The following PLCB4 variants were observed in gnomAD, a reference collection of about 807,000 sequenced individuals.
The protein encoded by PLCB4 is 1-phosphatidylinositol 4,5-bisphosphate phosphodiesterase beta-4.
A neutral mutation model predicts 178.8 loss-of-function variants in PLCB4; 77 were observed. That is an observed-to-expected ratio of 0.43 (90% CI 0.36 to 0.52). The LOEUF (loss-of-function observed/expected upper bound fraction) is 0.52, where lower values mean the gene tolerates loss of function less well. Ranked by LOEUF, PLCB4 falls within the 20% of genes least tolerant of loss-of-function variation. PLCB4 has a pLI of 0.00. For synonymous variants in PLCB4, 496 were observed against 490.8 expected (o/e 1.01, Z -0.14); for missense variants, 1,024 against 1,453.4 (o/e 0.70, Z 4.80).
At chr20:9,301,449 A>AC (rs552590912) in intron 3 of PLCB4, among the ~76,000 whole-genome samples, 81 of 152,112 alleles carry the variant, frequency 5.3e-4, no homozygotes, top group Admixed American at 9.8e-4. Context: ...GGTGAGCAGC[A>AC]CTGACTCTAA....
intron 34 of PLCB4, among the ~76,000 whole-genome samples, chr20:9,458,810 C>G (rs1322546581): frequency 1.3e-5 from 2 of 152,122 alleles, no homozygotes; most frequent in African/African-American, 4.8e-5. Context: ...GCTGGAGAAA[C>G]AGACTCCAGC....
At chr20:9,295,956 T>G (rs896353994) in intron 3 of PLCB4, among the ~76,000 whole-genome samples, 1 of 152,174 alleles carries the variant, frequency 6.6e-6, no homozygotes, top group Non-Finnish European at 1.5e-5. Context: ...GGCAAGGACT[T>G]CATGTCTAAA....
chr20:9,385,723 C>T (rs1004483915), intron 14 of PLCB4, among the ~76,000 whole-genome samples: 13 of 151,544 alleles, frequency 8.6e-5, no homozygotes, highest in Admixed American at 2.0e-4. Context: ...AGGCGCTCCT[C>T]GCTTCCCAGA....
chr20:9,428,453 G>A (rs1425121729), intron 28 of PLCB4, among the ~76,000 whole-genome samples: 3 of 152,204 alleles, frequency 2.0e-5, no homozygotes, highest in Non-Finnish European at 4.4e-5. Flanking sequence ...CTCCTGGGAT[G>A]TATGGTGAAT....
At chr20:9,264,811 C>G (rs551614002) in intron 3 of PLCB4, among the ~76,000 whole-genome samples, 1 of 152,250 alleles carries the variant, frequency 6.6e-6, no homozygotes, top group African/African-American at 2.4e-5. Context: ...AGTAATTGCT[C>G]TGGGTGCAGC....
intron 3 of PLCB4, among the ~76,000 whole-genome samples, chr20:9,287,615 T>G (rs1465639570): frequency 2.0e-5 from 3 of 152,082 alleles, no homozygotes; most frequent in Admixed American, 2.0e-4. Context: ...AAAGTTAATA[T>G]CGAGTCATGC....
chr20:9,403,978 A>G (rs1476795988), intron 20 of PLCB4, among the ~76,000 whole-genome samples: 1 of 152,204 alleles, frequency 6.6e-6, no homozygotes, highest in African/African-American at 2.4e-5. Flanking sequence ...GATCACACAG[A>G]TATGAATGAC....
chr20:9,355,043 G>A (rs1377332150), intron 7 of PLCB4, among the ~76,000 whole-genome samples: 3 of 152,124 alleles, frequency 2.0e-5, no homozygotes, highest in African/African-American at 7.2e-5. Context: ...GTGAGACCCA[G>A]GCTTCTGAAA....
At chr20:9,211,549 T>G (rs1362355913) in intron 2 of PLCB4, among the ~76,000 whole-genome samples, 3 of 152,222 alleles carry the variant, frequency 2.0e-5, no homozygotes, top group Non-Finnish European at 4.4e-5. Context: ...GGTTCTAAAC[T>G]TGGGTTATTC....
Position 9,395,599 on chromosome 20 carries a change from TGAA to T in PLCB4, c.1494_1496del (p.Glu500del). 1.9e-6 allele frequency: 3 copies of T among 1,610,810 alleles called. No homozygotes were observed. Among genetic ancestry groups the T allele is most frequent in the Non-Finnish European group, 2.5e-6 (3 of 1,177,198 alleles). Reference sequence around the variant, plus strand: ...CAGCAAACATCTTAGAGGACGATAATGAAGAGGAGATCGAAAGTGGTGAGCTGT... The same window carrying T: ...CAGCAAACATCTTAGAGGACGATAATGAGGAGATCGAAAGTGGTGAGCTGT... On this transcript the variant is annotated inframe_deletion, in exon 19 of 40. Transcript: ENST00000378473.
At chr20:9,091,593 G>T (rs1156604612) in intron 1 of PLCB4, among the ~76,000 whole-genome samples, 2 of 151,312 alleles carry the variant, frequency 1.3e-5, no homozygotes, top group Non-Finnish European at 2.9e-5. Flanking sequence ...GAGCTCCAAA[G>T]CTCCCTCTGA....
In PLCB4 at chr20:9,243,169, A is replaced by C. The variant is rs145377453; in HGVS notation, c.-16+25717A>C. 2.6e-5 allele frequency among the ~76,000 whole-genome samples: 4 copies of C among 152,286 alleles called. No individual in the cohort carries two copies. In the East Asian group the frequency reaches 7.7e-4, roughly 29 times the overall value. ...ACCTGGCAGCCTTGGAAAGAGGTAT[A>C]GAAAAACTGCAGAAAGTTCAAAGAA... On this transcript the variant is annotated intron_variant, in intron 3 of 39. Transcript: ENST00000378473.
intron 2 of PLCB4, among the ~76,000 whole-genome samples, chr20:9,190,015 A>G (rs541966715): frequency 6.6e-6 from 1 of 152,176 alleles, no homozygotes; most frequent in Non-Finnish European, 1.5e-5. Context: ...GACATTGGCA[A>G]ATGTCCTCGG....
At chr20:9,213,197 TG>T (rs2093692399) in intron 2 of PLCB4, among the ~76,000 whole-genome samples, 1 of 125,446 alleles carries the variant, frequency 8.0e-6, no homozygotes, top group South Asian at 2.5e-4. Flanking sequence ...TGGAGGGCAG[TG>T]GTGCAGTGCA....
chr20:9,394,202 A>G (rs937898003), intron 18 of PLCB4, among the ~76,000 whole-genome samples: 1 of 152,150 alleles, frequency 6.6e-6, no homozygotes, highest in African/African-American at 2.4e-5. Flanking sequence ...ATCCTAGTTC[A>G]GTGAATTAAT....
At chr20:9,209,699 G>A (rs1172749141) in intron 2 of PLCB4, among the ~76,000 whole-genome samples, 1 of 152,120 alleles carries the variant, frequency 6.6e-6, no homozygotes, top group Non-Finnish European at 1.5e-5. Context: ...TGAGCCTCCA[G>A]AAAGGATGAA....
chr20:9,070,544 T>C lies in PLCB4; in HGVS notation c.-135+1338T>C, dbSNP rs370919919. On this transcript the variant is annotated intron_variant, in intron 1 of 39. Coordinates refer to ENST00000378473, the MANE Select transcript of PLCB4 (RefSeq NM_001377142.1). ...GAATGCTGTTTTTCATAGGACAGTC[T>C]TGCATGATCCTTAGCTGGTGTATTG... is the stretch of plus-strand genomic sequence containing the variant. Among the ~76,000 whole-genome samples, 16 of 152,328 alleles carry C rather than the reference T, an allele frequency of 1.1e-4. No homozygotes were observed. In the East Asian group the frequency reaches 1.4e-3, roughly 13 times the overall value.
At chr20:9,268,724 A>G (rs1395500311) in intron 3 of PLCB4, among the ~76,000 whole-genome samples, 1 of 152,242 alleles carries the variant, frequency 6.6e-6, no homozygotes, top group Non-Finnish European at 1.5e-5. Flanking sequence ...AAAGACTATC[A>G]GCATCCACAA....
At chr20:9,222,081 ATTTT>A (rs2093806679) in intron 3 of PLCB4, among the ~76,000 whole-genome samples, 1 of 110,908 alleles carries the variant, frequency 9.0e-6, no homozygotes, top group Admixed American at 8.4e-5. Flanking sequence ...ATTTTATTTT[ATTTT>A]ATTTTATTTT....
Sources: gnomAD v4.1 joint callset for allele counts (sites outside exome capture counted in the v4.1 genomes callset) on GRCh38, gnomAD v4.1.1 for gene constraint, MANE v1.5 for transcripts, NCBI Gene and HGNC (gene_info 2026-07-23, HGNC 2026-07-21) for gene names.